NCKAP1: variants seen among roughly 807,000 people sequenced by gnomAD.
NCKAP1 encodes nck-associated protein 1.
A neutral mutation model predicts 151.2 loss-of-function variants in NCKAP1; 21 were observed. That is an observed-to-expected ratio of 0.14 (90% CI 0.10 to 0.20). The LOEUF (loss-of-function observed/expected upper bound fraction) is 0.20, where lower values mean the gene tolerates loss of function less well. NCKAP1 is among the 10% of genes least tolerant of loss of function. NCKAP1 has a pLI of 1.00. For missense variants in NCKAP1, 933 were observed against 1,352.1 expected, an observed-to-expected ratio of 0.69 and a Z score of 4.86; for synonymous variants, 484 against 451.8, an observed-to-expected ratio of 1.07 and a Z score of -0.90.
At position 182,975,061 on chromosome 2, in the gene NCKAP1, A is replaced by G. The variant is rs79070328; in HGVS notation, c.1482+1832T>C. ...CAAGTATTGGTTTAGGCACTCCTAT[A>G]AACCCAGAACAGGAGATTGAAGCAG... On this transcript the variant is annotated intron_variant, in intron 15 of 30. Transcript: ENST00000361354. Among the ~76,000 whole-genome samples the G allele has an allele frequency of 6.7e-3, 1,026 of 152,318 alleles. 13 individuals carry two copies. Among genetic ancestry groups the G allele is most frequent in the African/African-American group, 0.024 (983 of 41,574 alleles).
At chr2:183,035,021 T>C (rs1261677254) in intron 1 of NCKAP1, among the ~76,000 whole-genome samples, 1 of 152,130 alleles carries the variant, frequency 6.6e-6, no homozygotes, top group African/African-American at 2.4e-5. Flanking sequence ...CAAGTTGCCA[T>C]GCTGGAACCT....
intron 13 of NCKAP1, among the ~76,000 whole-genome samples, chr2:182,979,137 AT>A (rs916927172): frequency 3.8e-4 from 58 of 152,134 alleles, no homozygotes; most frequent in Non-Finnish European, 1.2e-4. Context: ...TTAAAAAGTA[AT>A]TTTTTCATAC....
In NCKAP1 at chr2:182,920,607, G is replaced by A. The variant is rs1048317135; in HGVS notation, c.*5095C>T. On this transcript the variant is annotated 3_prime_UTR_variant, in exon 31 of 31. Coordinates refer to ENST00000361354, the MANE Select transcript of NCKAP1 (RefSeq NM_013436.5). ...GCTGGCATATTTGGTGTTTGTGGAGGGTCTGCTTTCTGGTTCATGAACAGT... is the reference window on the plus strand; with the variant it reads ...GCTGGCATATTTGGTGTTTGTGGAGAGTCTGCTTTCTGGTTCATGAACAGT... 2 of 152,172 alleles carry A rather than the reference G, an allele frequency of 1.3e-5. No individual in the cohort carries two copies. The highest frequency in any genetic ancestry group is 4.8e-5 in the African/African-American group (2 of 41,412). 9.4% of individuals were successfully genotyped at this position (152,172 alleles called of 1,614,324 possible).
intron 26 of NCKAP1, among the ~76,000 whole-genome samples, chr2:182,931,989 T>C (rs1293642652): frequency 2.0e-5 from 3 of 152,142 alleles, no homozygotes; most frequent in Non-Finnish European, 4.4e-5. Flanking sequence ...TTAGTGAAGA[T>C]GCAGAAAAAA....
chr2:182,977,210 C>T lies in NCKAP1; in HGVS notation c.1424-259G>A, dbSNP rs1002341048. Among the ~76,000 whole-genome samples the T allele has an allele frequency of 1.2e-4, 18 of 152,158 alleles. No individual in the cohort carries two copies. The East Asian group carries it at 2.5e-3, about 21-fold the overall frequency. The stretch of plus-strand genomic sequence containing the variant: ...TGTAGTATCTAAATACAATGGAGGC[C>T]GGGAGCAGTGTCTCATGCCTATAAT... On this transcript the variant is annotated intron_variant, in intron 14 of 30. Transcript: ENST00000361354.
chr2:183,025,159 G>T (rs190472836), intron 1 of NCKAP1, among the ~76,000 whole-genome samples: 1 of 152,266 alleles, frequency 6.6e-6, no homozygotes, highest in Non-Finnish European at 1.5e-5. Context: ...TAAGTAGCGA[G>T]TTTTAGTATA....
At position 182,956,292 on chromosome 2, in the gene NCKAP1, G is replaced by A. The variant is rs531622794; in HGVS notation, c.2153+170C>T. On this transcript the variant is annotated intron_variant, in intron 20 of 30. Transcript: ENST00000361354. ...CCTGACCTCGTGATCTGCCCACCTC[G>A]GCCTCCCAAAGTGCTGGGATTATAG... is the stretch of plus-strand genomic sequence containing the variant. 1.1e-3 allele frequency among the ~76,000 whole-genome samples: 163 copies of A among 152,158 alleles called. 1 individual carries two copies. Among genetic ancestry groups the A allele is most frequent in the African/African-American group, 3.7e-3 (152 of 41,504 alleles).
At chr2:182,960,509 T>C (rs1697424663) in intron 18 of NCKAP1, among the ~76,000 whole-genome samples, 1 of 152,184 alleles carries the variant, frequency 6.6e-6, no homozygotes, top group African/African-American at 2.4e-5. Context: ...TAAATGGTGC[T>C]GGGAAAACTG....
At chr2:183,025,733 T>C (rs2105895713) in intron 1 of NCKAP1, among the ~76,000 whole-genome samples, 1 of 152,268 alleles carries the variant, frequency 6.6e-6, no homozygotes, top group South Asian at 2.1e-4. Context: ...ATATAATAGC[T>C]AAGAATAATA....
intron 10 of NCKAP1, among the ~76,000 whole-genome samples, chr2:182,985,423 G>C (rs1698033812): frequency 6.6e-6 from 1 of 152,160 alleles, no homozygotes; most frequent in African/African-American, 2.4e-5. Flanking sequence ...GTTGTTCAAA[G>C]ATTTAAAATA....
rs868443101 is a variant in NCKAP1 at position 182,945,983 on chromosome 2, T to C, written c.2602-3820A>G. On this transcript the variant is annotated intron_variant, in intron 23 of 30. Transcript: ENST00000361354. ...TCATGAACTACTACACAGTCATAAATAAGAATGAGATCATGTCCTTTGCAG... is the reference window on the plus strand; with the variant it reads ...TCATGAACTACTACACAGTCATAAACAAGAATGAGATCATGTCCTTTGCAG... Among the ~76,000 whole-genome samples, 3 of 152,054 alleles carry C rather than the reference T, an allele frequency of 2.0e-5. No homozygotes were observed. The South Asian group carries it at 6.2e-4, about 31-fold the overall frequency.
intron 18 of NCKAP1, among the ~76,000 whole-genome samples, chr2:182,958,185 T>C (rs1697363986): frequency 6.6e-6 from 1 of 152,230 alleles, no homozygotes; most frequent in Admixed American, 6.5e-5. Context: ...TTCACTCTTG[T>C]TGCCCAGGCT....
intron 1 of NCKAP1, among the ~76,000 whole-genome samples, chr2:183,031,687 A>G (rs903393838): frequency 1.2e-4 from 18 of 152,202 alleles, no homozygotes; most frequent in Non-Finnish European, 2.1e-4. Flanking sequence ...AAGGCACTGT[A>G]CCAATACTTC....
intron 2 of NCKAP1, among the ~76,000 whole-genome samples, chr2:183,012,681 C>T (rs1304229718): frequency 1.9e-4 from 28 of 149,296 alleles, no homozygotes; most frequent in Non-Finnish European, 3.0e-5. Context: ...GGCATGATCT[C>T]GGCTTACTGC....
chr2:182,972,014 C>T (rs556300371), intron 15 of NCKAP1, among the ~76,000 whole-genome samples: 19 of 152,184 alleles, frequency 1.2e-4, no homozygotes, highest in African/African-American at 4.6e-4. Flanking sequence ...TCAAAGATTT[C>T]TTGAGTTAGA....
At position 182,920,577 on chromosome 2, in the gene NCKAP1, A is replaced by C. The variant is rs1696535350; in HGVS notation, c.*5125T>G. On this transcript the variant is annotated 3_prime_UTR_variant, in exon 31 of 31. Coordinates refer to ENST00000361354, the MANE Select transcript of NCKAP1 (RefSeq NM_013436.5). ...AGTTCTGGAGGCTGGGAAGCCAATC[A>C]GTGTGCTGGCATATTTGGTGTTTGT... is the stretch of plus-strand genomic sequence containing the variant. 6.6e-6 allele frequency: 1 copy of C among 152,276 alleles called. No homozygotes were observed. The highest frequency in any genetic ancestry group is 1.5e-5 in the Non-Finnish European group (1 of 68,086). 9.4% of individuals were successfully genotyped at this position (152,276 alleles called of 1,614,324 possible).
chr2:182,990,231 T>C (rs1332719151), intron 8 of NCKAP1, among the ~76,000 whole-genome samples: 4 of 151,548 alleles, frequency 2.6e-5, no homozygotes, highest in Non-Finnish European at 4.4e-5. Flanking sequence ...AGAGATGGGG[T>C]CTTGTCATGT....
At chr2:182,992,230 A>C (rs1357957167) in intron 8 of NCKAP1, among the ~76,000 whole-genome samples, 1 of 152,220 alleles carries the variant, frequency 6.6e-6, no homozygotes, top group Non-Finnish European at 1.5e-5. Flanking sequence ...TAGTTCCAAA[A>C]AGAGAAGTGC....
chr2:182,989,334 C>T lies in NCKAP1; in HGVS notation c.791-148G>A, dbSNP rs576625990. ...ACAGTAACAATACATATGTATAAAC[C>T]ATGGTAATACGTTTCTTTTCCAATT... On this transcript the variant is annotated intron_variant, in intron 8 of 30. Coordinates refer to ENST00000361354, the MANE Select transcript of NCKAP1 (RefSeq NM_013436.5). 6.9e-4 allele frequency: 366 copies of T among 526,778 alleles called. 2 individuals are homozygous for T. Among genetic ancestry groups the T allele is most frequent in the South Asian group, 6.4e-3 (171 of 26,822 alleles). The allele number at this position is 526,778 out of a possible 1,614,324, so 32.6% of individuals were successfully genotyped here. A position where few individuals can be genotyped will look rare whatever the true frequency, so the allele number is the denominator to read the frequency against.
Sources: allele counts gnomAD v4.1 joint callset (sites outside exome capture counted in the v4.1 genomes callset), GRCh38; gene constraint gnomAD v4.1.1; transcripts MANE v1.5; gene names NCBI Gene and HGNC (gene_info 2026-07-23, HGNC 2026-07-21).